The following SUMF1 variants were observed in gnomAD, a reference collection of about 807,000 sequenced individuals.
The protein encoded by SUMF1 is formylglycine-generating enzyme.
A neutral mutation model predicts 47.6 loss-of-function variants in SUMF1; 48 were observed. That is an observed-to-expected ratio of 1.01 (90% CI 0.80 to 1.28). The LOEUF (loss-of-function observed/expected upper bound fraction) is 1.28. Among genes scored for constraint, SUMF1 ranks in the 50% most tolerant of loss-of-function variants. SUMF1 has a pLI of 0.00. For synonymous variants in SUMF1, 230 were observed against 192.1 expected, an observed-to-expected ratio of 1.20 and a Z score of -1.63; for missense variants, 571 against 485.4, an observed-to-expected ratio of 1.18 and a Z score of -1.66.
intron 8 of SUMF1, among the ~76,000 whole-genome samples, chr3:4,260,249 C>T (rs1697056929): frequency 6.6e-6 from 1 of 151,396 alleles, no homozygotes; most frequent in African/African-American, 2.4e-5. Context: ...TATTTAAAAG[C>T]AGGTACAAAT....
chr3:4,263,785 T>C (rs1305130104), intron 8 of SUMF1, among the ~76,000 whole-genome samples: 2 of 152,192 alleles, frequency 1.3e-5, no homozygotes, highest in African/African-American at 4.8e-5. Context: ...CCTTATTCCA[T>C]TCTGCCTTAA....
chr3:4,212,976 G>A (rs185442787), intron 8 of SUMF1, among the ~76,000 whole-genome samples: 10 of 152,242 alleles, frequency 6.6e-5, no homozygotes, highest in African/African-American at 2.2e-4. Context: ...GAACCAAGTT[G>A]GAAAACACTC....
chr3:4,336,050 C>T (rs1200621513), intron 8 of SUMF1, among the ~76,000 whole-genome samples: 8 of 151,362 alleles, frequency 5.3e-5, no homozygotes, highest in Non-Finnish European at 1.0e-4. Flanking sequence ...CAAATCTACC[C>T]GGAGAATCCC....
At chr3:4,300,529 C>T (rs1455465583) in intron 8 of SUMF1, among the ~76,000 whole-genome samples, 1 of 152,010 alleles carries the variant, frequency 6.6e-6, no homozygotes, top group East Asian at 1.9e-4. Context: ...ATTTATAAGG[C>T]TGATCTTTAA....
At position 4,313,417 on chromosome 3, in the gene SUMF1, T is replaced by C. The variant is rs572039705; in HGVS notation, c.1014+62913A>G. 7 of 1,614,060 alleles carry C rather than the reference T, an allele frequency of 4.3e-6. No individual in the cohort carries two copies. The Admixed American group carries it at 5.0e-5, about 12-fold the overall frequency. On this transcript the variant is annotated intron_variant and NMD_transcript_variant, in intron 8 of 12. Transcript: ENST00000448413. Reference sequence around the variant, plus strand: ...TATTGGAAGATTCCTTAATCATTCTTGTGAGCCAAACCTTTTGATGATTCC... The same window carrying C: ...TATTGGAAGATTCCTTAATCATTCTCGTGAGCCAAACCTTTTGATGATTCC...
intron 8 of SUMF1, among the ~76,000 whole-genome samples, chr3:4,214,759 T>C (rs1695879931): frequency 6.7e-6 from 1 of 148,574 alleles, no homozygotes; most frequent in Admixed American, 6.8e-5. Flanking sequence ...CAGAGATTAC[T>C]ATAAACACCT....
At chr3:4,161,378 C>T (rs1398994884) in intron 8 of SUMF1, among the ~76,000 whole-genome samples, 4 of 152,154 alleles carry the variant, frequency 2.6e-5, no homozygotes, top group Admixed American at 2.6e-4. Context: ...TTGTGTCCTT[C>T]CTTTCAGGTC....
intron 8 of SUMF1, among the ~76,000 whole-genome samples, chr3:4,157,000 C>T (rs1694468364): frequency 6.6e-6 from 1 of 151,590 alleles, no homozygotes; most frequent in Non-Finnish European, 1.5e-5. Flanking sequence ...AGAGAGAAGA[C>T]TTGGACACAT....
chr3:4,288,742 G>T (rs373886349), intron 8 of SUMF1, among the ~76,000 whole-genome samples: 6 of 151,690 alleles, frequency 4.0e-5, no homozygotes, highest in South Asian at 4.1e-4. Context: ...GGTGGAGGTT[G>T]CAGTGAGCCA....
rs145411089 is a variant in SUMF1, at chr3:4,387,006, T to C, written c.955-10617A>G. 5.2e-4 allele frequency among the ~76,000 whole-genome samples: 79 copies of C among 152,188 alleles called. No homozygotes were observed. In the East Asian group the frequency reaches 0.013, roughly 25 times the overall value. ...TGATGAATTCTATTTGCTAACATTT[T>C]GTTAAGGATTTTTGTGTCTCTATTT... On this transcript the variant is annotated intron_variant, in intron 7 of 8. Transcript: ENST00000272902.
At chr3:4,419,763 T>A (rs1273256952) in intron 4 of SUMF1, among the ~76,000 whole-genome samples, 1 of 152,126 alleles carries the variant, frequency 6.6e-6, no homozygotes, top group Non-Finnish European at 1.5e-5. Flanking sequence ...AGATTAAACA[T>A]GTCATGAGGT....
At chr3:4,235,365 G>C (rs1425972602) in intron 8 of SUMF1, among the ~76,000 whole-genome samples, 1 of 152,008 alleles carries the variant, frequency 6.6e-6, no homozygotes, top group Non-Finnish European at 1.5e-5. Context: ...TCATAAATTT[G>C]AGGCACCTGT....
chr3:4,166,738 T>C (rs4054983), intron 8 of SUMF1, among the ~76,000 whole-genome samples: 111,279 of 151,960 alleles, frequency 0.73, 40,933 homozygotes, highest in Admixed American at 0.79. Context: ...GAGTTCCACT[T>C]ATGGCTGCAG....
At chr3:4,357,076 A>T (rs1321763380), downstream of SUMF1, among the ~76,000 whole-genome samples, 1 of 152,108 alleles carries the variant, frequency 6.6e-6, no homozygotes, top group East Asian at 1.9e-4. Context: ...CCCAGATCAG[A>T]TTTTTTACTT....
At chr3:4,401,447 C>A (rs536012572) in intron 7 of SUMF1, among the ~76,000 whole-genome samples, 6 of 152,152 alleles carry the variant, frequency 3.9e-5, no homozygotes, top group African/African-American at 1.4e-4. Context: ...TTTAAAAACA[C>A]CCTCTTAACC....
intron 8 of SUMF1, among the ~76,000 whole-genome samples, chr3:4,099,071 G>C (rs1043454128): frequency 3.9e-5 from 6 of 152,228 alleles, no homozygotes; most frequent in South Asian, 2.1e-4. Flanking sequence ...TGAGTTATGA[G>C]ATGGCATAAA....
At chr3:4,111,670 C>A (rs1693310391) in intron 8 of SUMF1, among the ~76,000 whole-genome samples, 1 of 151,922 alleles carries the variant, frequency 6.6e-6, no homozygotes, top group African/African-American at 2.4e-5. Flanking sequence ...ACCCAGGGGG[C>A]AGAGGTTGCA....
intron 8 of SUMF1, among the ~76,000 whole-genome samples, chr3:4,166,337 C>T (rs927252252): frequency 6.6e-6 from 1 of 152,106 alleles, no homozygotes; most frequent in African/African-American, 2.4e-5. Context: ...TTTGTCCACA[C>T]TTCTCATCAT....
intron 8 of SUMF1, among the ~76,000 whole-genome samples, chr3:4,131,827 G>A (rs1693798169): frequency 6.6e-6 from 1 of 152,002 alleles, no homozygotes. Context: ...ACCCATTCTG[G>A]GGACACCACT....
Sources: allele counts gnomAD v4.1 joint callset (sites outside exome capture counted in the v4.1 genomes callset), GRCh38; gene constraint gnomAD v4.1.1; transcripts MANE v1.5; gene names NCBI Gene and HGNC (gene_info 2026-07-23, HGNC 2026-07-21).